Variants in MAGI1 observed in about 807,000 individuals in gnomAD.
The protein encoded by MAGI1 is membrane-associated guanylate kinase, WW and PDZ domain-containing protein 1.
Under a neutral mutation model 139.9 loss-of-function variants are expected in MAGI1, and 58 were observed. That is an observed-to-expected ratio of 0.41 (90% CI 0.34 to 0.52). MAGI1 has a LOEUF of 0.52. MAGI1 is among the 20% of genes least tolerant of loss of function. The probability of loss-of-function intolerance (pLI) is 0.12; values close to 1 mark genes in which losing one functional copy is unlikely to be tolerated. For synonymous variants in MAGI1, 812 were observed against 737.9 expected (o/e 1.10, Z -1.63); for missense variants, 1,874 against 1,901.6 (o/e 0.99, Z 0.27).
At chr3:65,969,859 A>C (rs1349288022) in intron 1 of MAGI1, among the ~76,000 whole-genome samples, 4 of 152,232 alleles carry the variant, frequency 2.6e-5, no homozygotes, top group Non-Finnish European at 5.9e-5. Flanking sequence ...AAATAGACAC[A>C]TGTAACCCTC....
chr3:65,898,519 C>T (rs2061078403), intron 1 of MAGI1, among the ~76,000 whole-genome samples: 1 of 152,026 alleles, frequency 6.6e-6, no homozygotes, highest in Non-Finnish European at 1.5e-5. Flanking sequence ...AACAAAAGAA[C>T]CCTGAAATTC....
chr3:65,825,352 G>C (rs1389035263), intron 1 of MAGI1, among the ~76,000 whole-genome samples: 1 of 152,120 alleles, frequency 6.6e-6, no homozygotes, highest in Non-Finnish European at 1.5e-5. Context: ...TTTAACCTAA[G>C]CAGTGGTTGT....
intron 1 of MAGI1, chr3:65,688,474 C>T (rs2088270592): frequency 1.7e-5 from 8 of 463,336 alleles, no homozygotes; most frequent in South Asian, 1.5e-4. Flanking sequence ...AGTGACCTTC[C>T]CTTCACTCCC....
Position 65,584,772 on chromosome 3 carries a change from T to C in MAGI1, c.430+37200A>G, listed in dbSNP as rs185910195. ...TTCAGGATAGTGCCTCGCAAAACTA[T>C]ATTTGTGATATTCTTGCCAAGTCAA... On this transcript the variant is annotated intron_variant, in intron 2 of 22. Coordinates refer to ENST00000402939, the MANE Select transcript of MAGI1 (RefSeq NM_001033057.2). Among the ~76,000 whole-genome samples the C allele has an allele frequency of 1.1e-4, 16 of 152,354 alleles. No homozygotes were observed. In the East Asian group the frequency reaches 2.7e-3, roughly 26 times the overall value.
chr3:65,910,139 G>C (rs1265702813), intron 1 of MAGI1, among the ~76,000 whole-genome samples: 1 of 152,138 alleles, frequency 6.6e-6, no homozygotes, highest in Non-Finnish European at 1.5e-5. Flanking sequence ...CTGGGGGTTG[G>C]GGACCCCTCA....
At chr3:65,874,440 T>A (rs959408611) in intron 1 of MAGI1, 1 of 152,232 alleles carries the variant, frequency 6.6e-6, no homozygotes, top group Non-Finnish European at 1.5e-5. Flanking sequence ...CATATAACAC[T>A]ATTTTTAAAT....
At chr3:65,680,808 T>C (rs2087544382) in intron 1 of MAGI1, among the ~76,000 whole-genome samples, 1 of 108,182 alleles carries the variant, frequency 9.2e-6, no homozygotes, top group Non-Finnish European at 1.9e-5. Context: ...ACTTTAATAA[T>C]TATTAAAATC....
chr3:65,551,906 A>G lies in MAGI1; in HGVS notation c.431-58275T>C, dbSNP rs189884760. Among the ~76,000 whole-genome samples, 6 of 152,326 alleles carry G rather than the reference A, an allele frequency of 3.9e-5. No homozygotes were observed. In the East Asian group the frequency reaches 9.7e-4, roughly 25 times the overall value. ...TTGACATGAGAGGTTCACCAAAGCA[A>G]AGCTGGTACAATTTCCCTGTGTGGG... On this transcript the variant is annotated intron_variant, in intron 2 of 22. Coordinates refer to ENST00000402939, the MANE Select transcript of MAGI1 (RefSeq NM_001033057.2).
intron 3 of MAGI1, among the ~76,000 whole-genome samples, chr3:65,490,411 G>A (rs1280066840): frequency 1.3e-5 from 2 of 152,210 alleles, no homozygotes; most frequent in Admixed American, 1.3e-4. Context: ...GACTTGTCCA[G>A]GGGAGGCAAA....
At chr3:65,851,753 A>T (rs1246632883) in intron 1 of MAGI1, among the ~76,000 whole-genome samples, 2 of 152,210 alleles carry the variant, frequency 1.3e-5, no homozygotes, top group Non-Finnish European at 2.9e-5. Flanking sequence ...TGTCTCAAAA[A>T]AAAAATGTGT....
chr3:65,657,918 T>C (rs1381359389), intron 1 of MAGI1, among the ~76,000 whole-genome samples: 4 of 152,226 alleles, frequency 2.6e-5, no homozygotes, highest in African/African-American at 9.6e-5. Context: ...CAAACTAGCA[T>C]AACAATACCT....
chr3:65,449,780 A>G (rs1254055002), intron 6 of MAGI1, among the ~76,000 whole-genome samples: 1 of 152,148 alleles, frequency 6.6e-6, no homozygotes. Flanking sequence ...ATCTCAAAAA[A>G]CAGAATCAGA....
At chr3:66,028,654 C>T (rs1041599502) in intron 1 of MAGI1, among the ~76,000 whole-genome samples, 2 of 151,928 alleles carry the variant, frequency 1.3e-5, no homozygotes, top group African/African-American at 4.8e-5. Context: ...AACTCGCCCT[C>T]CCTCCACACT....
intron 2 of MAGI1, among the ~76,000 whole-genome samples, chr3:65,508,351 C>T (rs970821524): frequency 3.3e-5 from 5 of 151,912 alleles, no homozygotes; most frequent in African/African-American, 1.2e-4. Context: ...TTGCAGTGAG[C>T]CGAGATTGCG....
intron 2 of MAGI1, among the ~76,000 whole-genome samples, chr3:65,494,936 G>C (rs887260243): frequency 1.3e-5 from 2 of 152,230 alleles, no homozygotes; most frequent in Non-Finnish European, 2.9e-5. Context: ...ATTGGGCATA[G>C]GATGGTTATA....
intron 1 of MAGI1, among the ~76,000 whole-genome samples, chr3:65,789,906 A>G (rs2039647272): frequency 6.6e-6 from 1 of 152,232 alleles, no homozygotes; most frequent in African/African-American, 2.4e-5. Flanking sequence ...AAAAGGAAGC[A>G]TTCTGCACAC....
At chr3:65,506,914 T>C (rs1413819931) in intron 2 of MAGI1, among the ~76,000 whole-genome samples, 2 of 152,192 alleles carry the variant, frequency 1.3e-5, no homozygotes, top group East Asian at 1.9e-4. Flanking sequence ...ATTTAACAAA[T>C]ACATTCGTTC....
chr3:65,947,693 T>C (rs1025238532), intron 1 of MAGI1, among the ~76,000 whole-genome samples: 1 of 152,152 alleles, frequency 6.6e-6, no homozygotes, highest in African/African-American at 2.4e-5. Context: ...CACAGCTCAC[T>C]GCAGCTTGGA....
At chr3:65,630,150 C>G (rs1307912032) in intron 1 of MAGI1, among the ~76,000 whole-genome samples, 4 of 152,176 alleles carry the variant, frequency 2.6e-5, no homozygotes, top group African/African-American at 9.7e-5. Context: ...GTTTCATTCA[C>G]TAATTCAACA....
Sources: allele counts gnomAD v4.1 joint callset (sites outside exome capture counted in the v4.1 genomes callset), GRCh38; gene constraint gnomAD v4.1.1; transcripts MANE v1.5; gene names NCBI Gene and HGNC (gene_info 2026-07-23, HGNC 2026-07-21).